NEMF: variants seen among roughly 807,000 people sequenced by gnomAD.
The protein encoded by NEMF is nuclear export mediator factor.
In NEMF, 89 loss-of-function variants were observed where a neutral mutation model predicts 162.2. That is an observed-to-expected ratio of 0.55 (90% CI 0.46 to 0.65). NEMF has a LOEUF of 0.65. Among genes scored for constraint, NEMF ranks in the 30% least tolerant of loss-of-function variants. NEMF has a pLI of 0.00. For missense variants in NEMF, 1,133 were observed against 1,261.9 expected (o/e 0.90, Z 1.55); for synonymous variants, 421 against 404.5 (o/e 1.04, Z -0.49).
intron 17 of NEMF, 50 bp downstream of exon 17, chr14:49,814,704 C>T: frequency 1.0e-6 from 1 of 963,458 alleles, no homozygotes; most frequent in Non-Finnish European, 1.6e-6. Flanking sequence ...ATTGAGATAA[C>T]TGATCCAAAC....
chr14:49,814,723 G>A (rs1367444158), intron 17 of NEMF, 31 bp downstream of exon 17: 2 of 1,249,010 alleles, frequency 1.6e-6, no homozygotes, highest in Non-Finnish European at 2.3e-6. Context: ...ACATTCAAGA[G>A]AAAATTTTTC....
At position 49,851,681 on chromosome 14, in the gene NEMF, G is replaced by A. The variant is rs754809667; in HGVS notation, c.129-16C>T. On this transcript the variant is annotated splice_polypyrimidine_tract_variant and intron_variant, in intron 2 of 32. Coordinates refer to ENST00000298310, the MANE Select transcript of NEMF (RefSeq NM_004713.6). Reference sequence around the variant, plus strand: ...AAAGTCCGGTCTGTAGAAGAAAAAAGTCGAATTTTTCTTTAGGGTATATGC... The same window carrying A: ...AAAGTCCGGTCTGTAGAAGAAAAAAATCGAATTTTTCTTTAGGGTATATGC... 5.6e-6 allele frequency: 9 copies of A among 1,605,186 alleles called. No individual in the cohort carries two copies. Among genetic ancestry groups the A allele is most frequent in the African/African-American group, 1.3e-5 (1 of 74,696 alleles).
At chr14:49,800,083 T>C (rs1041124833) in intron 23 of NEMF, among the ~76,000 whole-genome samples, 2 of 152,242 alleles carry the variant, frequency 1.3e-5, no homozygotes, top group Admixed American at 1.3e-4. Context: ...AAGTTAATTA[T>C]GCATTTATAA....
At chr14:49,828,461 A>C in intron 14 of NEMF, 107 bp from the exon 15 acceptor site, 2 of 964,968 alleles carry the variant, frequency 2.1e-6, no homozygotes, top group Non-Finnish European at 3.1e-6. Flanking sequence ...AAATCAGAAC[A>C]AACTGTATAA....
intron 6 of NEMF, among the ~76,000 whole-genome samples, chr14:49,835,856 T>C (rs1194513857): frequency 6.6e-6 from 1 of 152,240 alleles, no homozygotes; most frequent in African/African-American, 2.4e-5. Context: ...ATTGTATTTC[T>C]ATGCAAAAAT....
At chr14:49,822,351 G>GA (rs201631894) in intron 16 of NEMF, among the ~76,000 whole-genome samples, 35 of 143,996 alleles carry the variant, frequency 2.4e-4, no homozygotes, top group Non-Finnish European at 3.4e-4. Context: ...AAAAAAAGAG[G>GA]AAAAAAAAAA....
At chr14:49,842,059 C>A (rs1893239259) in intron 4 of NEMF, among the ~76,000 whole-genome samples, 1 of 150,862 alleles carries the variant, frequency 6.6e-6, no homozygotes, top group Non-Finnish European at 1.5e-5. Flanking sequence ...GAGCCGAGAT[C>A]ACGCCATTGC....
intron 18 of NEMF, among the ~76,000 whole-genome samples, chr14:49,807,121 A>C (rs1406886729): frequency 6.6e-6 from 1 of 152,230 alleles, no homozygotes; most frequent in Non-Finnish European, 1.5e-5. Context: ...TGGACATTTC[A>C]TACAAATGTA....
chr14:49,831,435 ATTTTT>A (rs11365862), intron 10 of NEMF, 74 bp from the exon 11 acceptor site: 3 of 770,958 alleles, frequency 3.9e-6, no homozygotes, highest in South Asian at 1.6e-5. Flanking sequence ...ACAGAATTTT[ATTTTT>A]TTTTTCTTTT....
intron 26 of NEMF, among the ~76,000 whole-genome samples, chr14:49,793,354 T>C (rs1890541925): frequency 6.6e-6 from 1 of 152,222 alleles, no homozygotes; most frequent in East Asian, 1.9e-4. Flanking sequence ...TGTCTTCCCA[T>C]GTACCAGCAA....
rs1380577178 is a variant in NEMF, at chr14:49,840,837, G to A, written c.387C>T (p.Tyr129=). The A allele has an allele frequency of 4.3e-6, 7 of 1,610,428 alleles. No homozygotes were observed. Among genetic ancestry groups the A allele is most frequent in the South Asian group, 1.1e-5 (1 of 90,326 alleles). ...GAAACCTTAGAATATTTAAAATTAC[G>A]TACTCATAATCTGTAAGAACAATGT... ...RGNIVLTDYE[Y]VILNILRFRT... The change falls in exon 5 of 33, where the codon TAC becomes TAT. Residue 129 remains tyrosine, a synonymous_variant. Coordinates refer to ENST00000298310, the MANE Select transcript of NEMF (RefSeq NM_004713.6).
rs1184663468 is a variant in NEMF at position 49,783,787 on chromosome 14, CAAATGAATAGAAATGAT to C, written c.*832_*848del. ...AATTAAGATCAAACCTGAAGGTCTA[CAAATGAATAGAAATGAT>C]TAAGCTGAGTCATGAGAATTATTAC... is the stretch of plus-strand genomic sequence containing the variant. On this transcript the variant is annotated 3_prime_UTR_variant, in exon 33 of 33. Transcript: ENST00000298310. 6.6e-6 allele frequency: 1 copy of C among 152,052 alleles called. No homozygotes were observed. The highest frequency in any genetic ancestry group is 1.5e-5 in the Non-Finnish European group (1 of 67,990). 9.4% of individuals were successfully genotyped at this position (152,052 alleles called of 1,614,324 possible).
chr14:49,795,844 G>T lies in NEMF; in HGVS notation c.2566C>A (p.Gln856Lys). 1.2e-6 allele frequency: 2 copies of T among 1,613,458 alleles called. No homozygotes were observed. The highest frequency in any genetic ancestry group is 1.7e-6 in the Non-Finnish European group (2 of 1,179,770). Residue 856 changes from glutamine (Q) to lysine (K), a missense_variant, in exon 26 of 33, where the codon CAG becomes AAG. Transcript: ENST00000298310. ...KESTVHIETH[Q>K]NTSKNVAAVQ... ...GCCGCAACATTTTTGCTTGTGTTCT[G>T]ATGAGTTTCAATGTGTACAGTACTT...
At chr14:49,807,391 T>A (rs1244894200) in intron 18 of NEMF, among the ~76,000 whole-genome samples, 1 of 152,062 alleles carries the variant, frequency 6.6e-6, no homozygotes, top group African/African-American at 2.4e-5. Context: ...TCATCTTGGG[T>A]ATATACCTAA....
At chr14:49,848,916 A>G (rs1893643579) in intron 3 of NEMF, among the ~76,000 whole-genome samples, 1 of 152,098 alleles carries the variant, frequency 6.6e-6, no homozygotes, top group African/African-American at 2.4e-5. Context: ...AAAAAAGACA[A>G]AAAATCCACT....
chr14:49,831,275 A>T, intron 11 of NEMF, 24 bp downstream of exon 11: 1 of 1,329,586 alleles, frequency 7.5e-7, no homozygotes, highest in Non-Finnish European at 1.1e-6. Context: ...AGCTGGTTTA[A>T]TATGTGTTTT....
chr14:49,836,170 G>A (rs1317286262), intron 6 of NEMF, among the ~76,000 whole-genome samples: 2 of 152,098 alleles, frequency 1.3e-5, no homozygotes, highest in African/African-American at 4.8e-5. Context: ...TCCCAGCTAC[G>A]TGGGAGGCTG....
chr14:49,829,271 A>T lies in NEMF; in HGVS notation c.1024-9T>A. On this transcript the variant is annotated splice_polypyrimidine_tract_variant and intron_variant, in intron 12 of 32. Transcript: ENST00000298310. ...TTCAGTTTGTCTATTTCCTTAAAAA[A>T]CAAACCACACACATTTACTACATTG... The T allele has an allele frequency of 6.2e-7, 1 of 1,613,954 alleles. No homozygotes were observed. The highest frequency in any genetic ancestry group is 8.5e-7 in the Non-Finnish European group (1 of 1,179,888).
chr14:49,814,313 G>C (rs1476420715), intron 17 of NEMF, among the ~76,000 whole-genome samples: 3 of 151,970 alleles, frequency 2.0e-5, no homozygotes, highest in Non-Finnish European at 4.4e-5. Flanking sequence ...ATGTTGGCCA[G>C]GCTGTTCTTG....
Sources: gnomAD v4.1 joint callset for allele counts (sites outside exome capture counted in the v4.1 genomes callset) on GRCh38, gnomAD v4.1.1 for gene constraint, MANE v1.5 for transcripts, NCBI Gene and HGNC (gene_info 2026-07-23, HGNC 2026-07-21) for gene names.